The following TMEM132B variants were observed in gnomAD, a reference collection of about 807,000 sequenced individuals.
TMEM132B encodes transmembrane protein 132B.
TMEM132B carries 18 observed loss-of-function variants against 90.8 expected under a neutral mutation model. The ratio of observed to expected loss-of-function variants is 0.20; its 90% confidence interval spans 0.14 to 0.29. The LOEUF is 0.29. TMEM132B is among the 10% of genes least tolerant of loss of function. The probability of loss-of-function intolerance (pLI) is 1.00; values close to 1 mark genes in which losing one functional copy is unlikely to be tolerated. For synonymous variants in TMEM132B, 504 were observed against 523.3 expected (o/e 0.96, Z 0.50); for missense variants, 1,096 against 1,326.8 (o/e 0.83, Z 2.70).
chr12:125,467,624 A>G (rs1430188581), intron 3 of TMEM132B, among the ~76,000 whole-genome samples: 1 of 152,250 alleles, frequency 6.6e-6, no homozygotes, highest in East Asian at 1.9e-4. Context: ...GTCACATAAC[A>G]TAGTTCAACA....
chr12:125,250,615 A>C (rs1006663672), intron 1 of TMEM132B, among the ~76,000 whole-genome samples: 4 of 152,242 alleles, frequency 2.6e-5, no homozygotes, highest in Non-Finnish European at 2.9e-5. Flanking sequence ...GTGTGCTCCA[A>C]GAGGTGCAGG....
intron 1 of TMEM132B, among the ~76,000 whole-genome samples, chr12:125,226,657 G>A (rs905367278): frequency 6.6e-6 from 1 of 152,202 alleles, no homozygotes; most frequent in African/African-American, 2.4e-5. Context: ...ATTCAAATCT[G>A]AGCATTGCTG....
intron 1 of TMEM132B, among the ~76,000 whole-genome samples, chr12:125,198,213 GTATGTCAC>G: frequency 6.6e-6 from 1 of 152,204 alleles, no homozygotes; most frequent in Non-Finnish European, 1.5e-5. Context: ...CAATGCAAGG[GTATGTCAC>G]TATTTTAGTC....
intron 5 of TMEM132B, among the ~76,000 whole-genome samples, chr12:125,630,760 G>A (rs1886350810): frequency 6.6e-6 from 1 of 151,534 alleles, no homozygotes; most frequent in Non-Finnish European, 1.5e-5. Flanking sequence ...CCTCAATTAG[G>A]CCCCACTGTC....
rs1881385808 is a variant in TMEM132B, at chr12:125,459,685, G to A, written c.1106+44008G>A. On this transcript the variant is annotated intron_variant, in intron 3 of 8. Transcript: ENST00000682704. This position sits in a 1 kb window ranked among gnomAD's most constrained non-coding sequence, Gnocchi z 4.1. The stretch of plus-strand genomic sequence containing the variant: ...CTAGAAGAGTATAATTGGATTGTTT[G>A]TAACACAAAGGATAAATGCTTGAGA... 6.6e-6 allele frequency among the ~76,000 whole-genome samples: 1 copy of A among 152,232 alleles called. No homozygotes were observed. The highest frequency in any genetic ancestry group is 1.5e-5 in the Non-Finnish European group (1 of 68,036).
chr12:125,533,940 C>T (rs1324471656), intron 4 of TMEM132B, among the ~76,000 whole-genome samples: 2 of 152,206 alleles, frequency 1.3e-5, no homozygotes, highest in Non-Finnish European at 1.5e-5. Context: ...ATCAGAATCT[C>T]AGCACCCCCG....
intron 3 of TMEM132B, among the ~76,000 whole-genome samples, chr12:125,501,580 C>T (rs1268393173): frequency 1.3e-5 from 2 of 152,124 alleles, no homozygotes; most frequent in African/African-American, 2.4e-5. Flanking sequence ...CTCCCTGTGC[C>T]CATGTGTTCT....
intron 5 of TMEM132B, among the ~76,000 whole-genome samples, chr12:125,630,788 C>T (rs1169825611): frequency 6.6e-5 from 10 of 151,892 alleles, no homozygotes; most frequent in African/African-American, 1.4e-4. Context: ...CCCTTCTTTG[C>T]GTACATAAGT....
In TMEM132B at chr12:125,519,586, C is replaced by T. The variant is rs577384753; in HGVS notation, c.1254C>T (p.Val418=). Residue 418 remains valine (V), a synonymous_variant, in exon 4 of 9, where the codon GTC becomes GTT. Coordinates refer to ENST00000682704, the MANE Select transcript of TMEM132B (RefSeq NM_001366854.1). Reference sequence around the variant, plus strand: ...AGCTGGTCGTCTCCGAGATCTTCGTCAGCCAGACAACCTTCGTGGGCATCG... The same window carrying T: ...AGCTGGTCGTCTCCGAGATCTTCGTTAGCCAGACAACCTTCGTGGGCATCG... ...MSELVVSEIF[V]SQTTFVGIVP... 10 of 1,614,152 alleles carry T rather than the reference C, an allele frequency of 6.2e-6. No homozygotes were observed. In the South Asian group the frequency reaches 9.9e-5, roughly 16 times the overall value.
At chr12:125,571,982 G>A (rs1036848991) in intron 4 of TMEM132B, among the ~76,000 whole-genome samples, 13 of 152,150 alleles carry the variant, frequency 8.5e-5, no homozygotes, top group African/African-American at 3.1e-4. Flanking sequence ...CATTGCATTT[G>A]TTGTGTCCTT....
In TMEM132B at chr12:125,458,639, C is replaced by T. The variant is rs191292918; in HGVS notation, c.1106+42962C>T. Among the ~76,000 whole-genome samples, 2 of 152,270 alleles carry T rather than the reference C, an allele frequency of 1.3e-5. No homozygotes were observed. Among genetic ancestry groups the T allele is most frequent in the Admixed American group, 6.5e-5 (1 of 15,298 alleles). ...TCAGGACCCCTGGAAATGAGACTCA[C>T]ATCCATGCGGCCAGCGTCCGTGTCC... On this transcript the variant is annotated intron_variant, in intron 3 of 8. Transcript: ENST00000682704. This position sits in a 1 kb window ranked among gnomAD's most constrained non-coding sequence, Gnocchi z 4.9.
intron 1 of TMEM132B, among the ~76,000 whole-genome samples, chr12:125,311,993 C>G (rs1258710717): frequency 1.3e-5 from 2 of 152,202 alleles, no homozygotes; most frequent in Non-Finnish European, 2.9e-5. Context: ...TGAGCACGCT[C>G]TCTCCAGTGC....
intron 1 of TMEM132B, among the ~76,000 whole-genome samples, chr12:125,328,951 G>T (rs1320790476): frequency 1.3e-5 from 2 of 152,136 alleles, no homozygotes; most frequent in Non-Finnish European, 2.9e-5. Flanking sequence ...TCAGTGCCGG[G>T]CACAGGACTG....
At chr12:125,630,111 G>T (rs1214221865) in intron 5 of TMEM132B, among the ~76,000 whole-genome samples, 1 of 151,980 alleles carries the variant, frequency 6.6e-6, no homozygotes, top group African/African-American at 2.4e-5. Context: ...TTTTTCTGAT[G>T]TCTTTGCCTG....
chr12:125,329,193 AATGC>A (rs1179782377), intron 1 of TMEM132B, among the ~76,000 whole-genome samples: 2 of 152,184 alleles, frequency 1.3e-5, no homozygotes, highest in African/African-American at 2.4e-5. Flanking sequence ...ATATGGCAAG[AATGC>A]ATGTCCATAA....
At chr12:125,615,903 G>T (rs1593023940) in intron 5 of TMEM132B, among the ~76,000 whole-genome samples, 1 of 152,148 alleles carries the variant, frequency 6.6e-6, no homozygotes, top group Non-Finnish European at 1.5e-5. Flanking sequence ...AATGTGCAAA[G>T]AAGTCACATA....
intron 5 of TMEM132B, among the ~76,000 whole-genome samples, chr12:125,602,086 G>A (rs538585386): frequency 2.6e-4 from 39 of 152,266 alleles, no homozygotes; most frequent in Non-Finnish European, 1.6e-4. Context: ...CAATTGAAAA[G>A]GAGGGACTCC....
At chr12:125,579,422 C>T (rs1370307885) in intron 4 of TMEM132B, among the ~76,000 whole-genome samples, 1 of 151,554 alleles carries the variant, frequency 6.6e-6, no homozygotes, top group Non-Finnish European at 1.5e-5. Context: ...AGTGCAATAG[C>T]ATGATCTCGG....
At chr12:125,329,708 C>T (rs1876705657) in intron 1 of TMEM132B, among the ~76,000 whole-genome samples, 1 of 152,202 alleles carries the variant, frequency 6.6e-6, no homozygotes, top group South Asian at 2.1e-4. Flanking sequence ...CTGTATTCAT[C>T]TCTCTTGAGA....
Sources: allele counts gnomAD v4.1 joint callset (sites outside exome capture counted in the v4.1 genomes callset), GRCh38; gene constraint gnomAD v4.1.1; non-coding constraint Gnocchi (gnomAD v3.1); transcripts MANE v1.5; gene names NCBI Gene and HGNC (gene_info 2026-07-23, HGNC 2026-07-21).